Variants in DYTN observed in about 807,000 individuals in gnomAD.
DYTN encodes the protein dystrotelin.
In DYTN, 75 loss-of-function variants were observed where a neutral mutation model predicts 69.6. That is an observed-to-expected ratio of 1.08 (90% CI 0.89 to 1.31). DYTN has a LOEUF of 1.31. Among genes scored for constraint, DYTN ranks in the 50% most tolerant of loss-of-function variants. The probability of loss-of-function intolerance (pLI) is 0.00; values close to 1 mark genes in which losing one functional copy is unlikely to be tolerated. For synonymous variants in DYTN, 252 were observed against 249.1 expected (o/e 1.01, Z -0.11); for missense variants, 726 against 688.4 (o/e 1.05, Z -0.61).
rs1334605778 is a variant in DYTN, at chr2:206,651,833, C to T, written c.1722G>A (p.Leu574=). 2 of 1,613,524 alleles carry T rather than the reference C, an allele frequency of 1.2e-6. No individual in the cohort carries two copies. Among genetic ancestry groups the T allele is most frequent in the South Asian group, 1.1e-5 (1 of 91,054 alleles). The change falls in exon 12 of 12, where the codon TTG becomes TTA. Residue 574 remains leucine (L), a synonymous_variant. Coordinates refer to ENST00000452335, the MANE Select transcript of DYTN (RefSeq NM_001093730.1). ...GGACTCCATTTCACTTCAAATTGGG[C>T]AAGGCAATTTGATCAACAAGGGCAG... ...AFSALVDQIA[L]PNLK
intron 5 of DYTN, among the ~76,000 whole-genome samples, chr2:206,703,978 T>TA (rs1010021771): frequency 1.3e-5 from 2 of 152,204 alleles, no homozygotes; most frequent in Admixed American, 6.5e-5. Context: ...TTTTAACATT[T>TA]AAAAAACATC....
At chr2:206,707,989 A>G (rs1180797575) in intron 2 of DYTN, among the ~76,000 whole-genome samples, 2 of 152,196 alleles carry the variant, frequency 1.3e-5, no homozygotes, top group Non-Finnish European at 2.9e-5. Flanking sequence ...GCCGTAGTTA[A>G]ATACAAAACA....
chr2:206,658,688 G>A (rs780032767), intron 11 of DYTN, among the ~76,000 whole-genome samples: 5 of 152,220 alleles, frequency 3.3e-5, no homozygotes, highest in Admixed American at 6.5e-5. Context: ...CCTGCAAAGT[G>A]AGAAGCTGGG....
At chr2:206,671,024 A>G (rs1699624329) in intron 9 of DYTN, among the ~76,000 whole-genome samples, 1 of 152,108 alleles carries the variant, frequency 6.6e-6, no homozygotes, top group Non-Finnish European at 1.5e-5. Flanking sequence ...TGAATAAATA[A>G]TGGTCAACTT....
intron 9 of DYTN, among the ~76,000 whole-genome samples, chr2:206,681,034 C>T (rs914981285): frequency 2.6e-5 from 4 of 152,104 alleles, no homozygotes; most frequent in Non-Finnish European, 4.4e-5. Context: ...CCATTTGTGT[C>T]CTCTCTTATT....
intron 5 of DYTN, among the ~76,000 whole-genome samples, chr2:206,703,268 C>T (rs1005001967): frequency 6.6e-6 from 1 of 152,170 alleles, no homozygotes; most frequent in Non-Finnish European, 1.5e-5. Context: ...TCATCACATC[C>T]GCTTCTAAGC....
In DYTN at chr2:206,704,848, G is replaced by A. The variant is rs541491610; in HGVS notation, c.478C>T (p.Gln160Ter). 2.5e-5 allele frequency: 40 copies of A among 1,613,160 alleles called. No individual in the cohort carries two copies. The Middle Eastern group carries it at 8.2e-4, about 33-fold the overall frequency. The change falls in exon 5 of 12, where the codon CAG (glutamine) becomes TAG (stop). Residue 160 changes from glutamine to a stop codon, truncating the protein, a stop_gained. Coordinates refer to ENST00000452335, the MANE Select transcript of DYTN (RefSeq NM_001093730.1). LOFTEE classifies it high-confidence loss of function. Reference protein sequence around the residue: ...RVLRKLLTDLQQIPTFVGESR... With the variant: ...RVLRKLLTDL ...CTTAAGTATTAGGAATTTACCTGCT[G>A]TAGATCTGTTAGTAGTTTTCTCAAA...
In DYTN at chr2:206,663,332, G is replaced by A; in HGVS notation, c.1204C>T (p.His402Tyr). The change falls in exon 11 of 12, where the codon CAT becomes TAT. Residue 402 changes from histidine (H) to tyrosine (Y), a missense_variant. Physicochemically the swap from His to Tyr is moderately conservative, Grantham distance 83 (BLOSUM62 2). Transcript: ENST00000452335. ...SFQNVGNKVD[H>Y]SSTEKVPKGG... Reference sequence around the variant, plus strand: ...TTTGGAACCTTTTCAGTTGAAGAATGGTCAACCTTGTTCCCCACATTTTGA... The same window carrying A: ...TTTGGAACCTTTTCAGTTGAAGAATAGTCAACCTTGTTCCCCACATTTTGA... 1 of 1,613,884 alleles carries A rather than the reference G, an allele frequency of 6.2e-7. No homozygotes were observed. The highest frequency in any genetic ancestry group is 8.5e-7 in the Non-Finnish European group (1 of 1,179,864).
At chr2:206,711,916 T>C (rs1457391378) in intron 1 of DYTN, among the ~76,000 whole-genome samples, 3 of 152,250 alleles carry the variant, frequency 2.0e-5, no homozygotes, top group Non-Finnish European at 4.4e-5. Context: ...CGGAGCTTTC[T>C]GTTGCTGAAG....
chr2:206,682,762 A>G (rs1187023549), intron 9 of DYTN, among the ~76,000 whole-genome samples: 1 of 152,038 alleles, frequency 6.6e-6, no homozygotes, highest in Non-Finnish European at 1.5e-5. Context: ...TCTCAATTTT[A>G]ATGTGTCCCA....
In DYTN at chr2:206,683,333, C is replaced by G. The variant is rs1295146635; in HGVS notation, c.980+9842G>C. ...CCCACTTCCTCACCTCTTCTTTTTA[C>G]TTTTTCTTTTTTTTTTTTTTTTTTT... On this transcript the variant is annotated intron_variant, in intron 9 of 11. Coordinates refer to ENST00000452335, the MANE Select transcript of DYTN (RefSeq NM_001093730.1). Among the ~76,000 whole-genome samples the G allele has an allele frequency of 3.7e-5, 5 of 133,538 alleles. No individual in the cohort carries two copies. The East Asian group carries it at 1.1e-3, about 29-fold the overall frequency. 87.6% of individuals were successfully genotyped at this position (133,538 alleles called of 152,430 possible).
At position 206,676,654 on chromosome 2, in the gene DYTN, G is replaced by A. The variant is rs563985163; in HGVS notation, c.981-10625C>T. Among the ~76,000 whole-genome samples, 409 of 152,198 alleles carry A rather than the reference G, an allele frequency of 2.7e-3. 3 individuals are homozygous for A. Among genetic ancestry groups the A allele is most frequent in the African/African-American group, 9.6e-3 (398 of 41,526 alleles). ...ATGAAAAGGGGGAAAATGGTTAATG[G>A]GTATAAAGTTTCAGTTATGCAAGAT... On this transcript the variant is annotated intron_variant, in intron 9 of 11. Coordinates refer to ENST00000452335, the MANE Select transcript of DYTN (RefSeq NM_001093730.1).
chr2:206,712,253 G>A (rs1700084814), intron 1 of DYTN, among the ~76,000 whole-genome samples: 1 of 152,138 alleles, frequency 6.6e-6, no homozygotes, highest in Non-Finnish European at 1.5e-5. Flanking sequence ...AGTCTTAGCA[G>A]GCCCCGGGGG....
intron 1 of DYTN, among the ~76,000 whole-genome samples, chr2:206,712,474 G>A (rs920115313): frequency 3.9e-5 from 6 of 152,142 alleles, no homozygotes; most frequent in Non-Finnish European, 7.3e-5. Context: ...ATCTTATAAC[G>A]TGAAGGGAAG....
intron 9 of DYTN, among the ~76,000 whole-genome samples, chr2:206,689,427 A>G (rs145127537): frequency 6.6e-6 from 1 of 152,344 alleles, no homozygotes; most frequent in Non-Finnish European, 1.5e-5. Context: ...ATGAGCCACA[A>G]ATCAGAATTT....
intron 5 of DYTN, chr2:206,701,305 G>A (rs892157400): frequency 2.0e-5 from 3 of 152,180 alleles, no homozygotes; most frequent in Non-Finnish European, 2.9e-5. Flanking sequence ...GGGATGAAAG[G>A]AAAGGAAATC....
chr2:206,670,165 A>T (rs1699615146), intron 9 of DYTN, among the ~76,000 whole-genome samples: 1 of 152,240 alleles, frequency 6.6e-6, no homozygotes, highest in Non-Finnish European at 1.5e-5. Context: ...TCTTTAGAAG[A>T]AGGTAAAACA....
At chr2:206,707,546 G>A (rs1700039975) in intron 2 of DYTN, 43 bp from the exon 3 acceptor site, 6 of 1,548,298 alleles carry the variant, frequency 3.9e-6, no homozygotes, top group Non-Finnish European at 5.3e-6. Flanking sequence ...TTTCTGATGG[G>A]AACAAAAGGC....
chr2:206,657,378 A>T (rs761069956), intron 11 of DYTN, among the ~76,000 whole-genome samples: 31 of 152,130 alleles, frequency 2.0e-4, no homozygotes, highest in Admixed American at 2.0e-3. Flanking sequence ...TACTAGCTTC[A>T]ATCAGTTCCC....
Sources: allele counts gnomAD v4.1 joint callset (sites outside exome capture counted in the v4.1 genomes callset), GRCh38; gene constraint gnomAD v4.1.1; transcripts MANE v1.5; gene names NCBI Gene and HGNC (gene_info 2026-07-23, HGNC 2026-07-21).